The following PHF20 variants were observed in gnomAD, a reference collection of about 807,000 sequenced individuals.
The protein encoded by PHF20 is PHD finger protein 20.
A neutral mutation model predicts 113.5 loss-of-function variants in PHF20; 23 were observed. The observed-to-expected ratio is 0.20, with a 90% CI of 0.15 to 0.29. PHF20 has a LOEUF of 0.29. Ranked by LOEUF, PHF20 falls within the 10% of genes least tolerant of loss-of-function variation. The pLI, the probability that PHF20 is intolerant of heterozygous loss-of-function variation, is 1.00. For missense variants in PHF20, 943 were observed against 1,219.6 expected, an observed-to-expected ratio of 0.77 and a Z score of 3.38; for synonymous variants, 434 against 457.3, an observed-to-expected ratio of 0.95 and a Z score of 0.65.
chr20:35,832,718 G>T (rs905396690), intron 2 of PHF20, among the ~76,000 whole-genome samples: 3 of 152,112 alleles, frequency 2.0e-5, no homozygotes, highest in Non-Finnish European at 4.4e-5. Flanking sequence ...CGTAGGGCCT[G>T]TCATCCTCTG....
chr20:35,827,355 T>G (rs992119268), intron 2 of PHF20, among the ~76,000 whole-genome samples: 1 of 152,268 alleles, frequency 6.6e-6, no homozygotes, highest in Non-Finnish European at 1.5e-5. Context: ...GTCTGAATGC[T>G]TAACCTCTGG....
At chr20:35,786,707 C>G (rs1285323272) in intron 1 of PHF20, among the ~76,000 whole-genome samples, 2 of 152,070 alleles carry the variant, frequency 1.3e-5, no homozygotes, top group Non-Finnish European at 2.9e-5. Flanking sequence ...TCTCAAAACT[C>G]ACTCCAGAGC....
At chr20:35,786,481 A>AC (rs2041419246) in intron 1 of PHF20, among the ~76,000 whole-genome samples, 1 of 152,128 alleles carries the variant, frequency 6.6e-6, no homozygotes, top group Non-Finnish European at 1.5e-5. Flanking sequence ...AGGCGGGTGG[A>AC]TCACAAGGCC....
At chr20:35,922,058 A>G (rs2055528054) in intron 13 of PHF20, among the ~76,000 whole-genome samples, 1 of 152,196 alleles carries the variant, frequency 6.6e-6, no homozygotes, top group South Asian at 2.1e-4. Flanking sequence ...GAAGAAACTA[A>G]TTTCGGGGCA....
chr20:35,931,455 C>T lies in PHF20; in HGVS notation c.2300+11C>T, dbSNP rs2055752070. 6.2e-7 allele frequency: 1 copy of T among 1,601,538 alleles called. No individual in the cohort carries two copies. On this transcript the variant is annotated intron_variant, in intron 15 of 17. Coordinates refer to ENST00000374012, the MANE Select transcript of PHF20 (RefSeq NM_016436.5). ...GATGAGCATCTTGCAGTAAGTGTGG[C>T]ACCTGCAGTGCTGGGAGCAGTCTGT...
intron 2 of PHF20, among the ~76,000 whole-genome samples, chr20:35,841,967 GTCATCT>G (rs2042544255): frequency 6.6e-6 from 1 of 152,096 alleles, no homozygotes; most frequent in African/African-American, 2.4e-5. Flanking sequence ...TTCTGTGTAT[GTCATCT>G]TGTTTAATCC....
Position 35,914,978 on chromosome 20 carries a change from A to C in PHF20, c.1825+781A>C, listed in dbSNP as rs1436087589. ...GACTCCGTCTCAAAAAAAAAAAAAA[A>C]ACAGTAAAATATGTTATATATATAC... On this transcript the variant is annotated intron_variant, in intron 12 of 17. Transcript: ENST00000374012. Among the ~76,000 whole-genome samples, 5 of 149,508 alleles carry C rather than the reference A, an allele frequency of 3.3e-5. No individual in the cohort carries two copies. In the East Asian group the frequency reaches 9.7e-4, roughly 29 times the overall value.
chr20:35,934,408 A>G (rs1265135431), intron 15 of PHF20, among the ~76,000 whole-genome samples: 2 of 152,262 alleles, frequency 1.3e-5, no homozygotes, highest in Admixed American at 1.3e-4. Flanking sequence ...GCAGGGATCT[A>G]GGCTAGGTAG....
At chr20:35,816,059 T>C (rs2042067920) in intron 2 of PHF20, among the ~76,000 whole-genome samples, 1 of 151,756 alleles carries the variant, frequency 6.6e-6, no homozygotes, top group Non-Finnish European at 1.5e-5. Context: ...GGGGTTCAAG[T>C]GATTCTCCTG....
rs368074111 is a variant in PHF20 at position 35,881,425 on chromosome 20, C to A, written c.1282+9596C>A. Among the ~76,000 whole-genome samples the A allele has an allele frequency of 3.3e-4, 50 of 151,512 alleles. No individual in the cohort carries two copies. The East Asian group carries it at 9.6e-3, about 29-fold the overall frequency. On this transcript the variant is annotated intron_variant, in intron 9 of 17. Coordinates refer to ENST00000374012, the MANE Select transcript of PHF20 (RefSeq NM_016436.5). ...GCATGGTGGTGTGCGCCTGTAATCC[C>A]AGCTACTTGGGAGGCTGAGGTGGGC... is the stretch of plus-strand genomic sequence containing the variant.
chr20:35,877,546 T>C (rs1600863650), intron 9 of PHF20, among the ~76,000 whole-genome samples: 1 of 151,410 alleles, frequency 6.6e-6, no homozygotes, highest in South Asian at 2.1e-4. Context: ...GCCTCCCAGG[T>C]TCAAGTGATT....
chr20:35,799,519 T>G (rs2146860844), intron 1 of PHF20, among the ~76,000 whole-genome samples: 1 of 151,966 alleles, frequency 6.6e-6, no homozygotes, highest in East Asian at 1.9e-4. Context: ...TAGGCTGGGG[T>G]AAGTCTGCTG....
In PHF20 at chr20:35,899,548, G is replaced by C; in HGVS notation, c.1461G>C (p.Glu487Asp). The C allele has an allele frequency of 1.9e-6, 3 of 1,614,154 alleles. No individual in the cohort carries two copies. Among genetic ancestry groups the C allele is most frequent in the Non-Finnish European group, 2.5e-6 (3 of 1,180,020 alleles). Reference protein sequence around the residue: ...HGMEKSLEPEESPGKRHVQTR... With the variant: ...HGMEKSLEPEDSPGKRHVQTR... The stretch of plus-strand genomic sequence containing the variant: ...TGGAGAAGTCACTGGAGCCAGAAGA[G>C]AGCCCGGGAAAGAGGCATGTCCAAA... Residue 487 changes from glutamate (E) to aspartate (D), a missense_variant, in exon 10 of 18, where the codon GAG becomes GAC. This residue lies in a region of PHF20 where 592 missense variants were observed against 787.2 expected (regional missense o/e 0.75). Coordinates refer to ENST00000374012, the MANE Select transcript of PHF20 (RefSeq NM_016436.5).
At chr20:35,811,171 C>T (rs1245849292) in intron 2 of PHF20, among the ~76,000 whole-genome samples, 1 of 151,900 alleles carries the variant, frequency 6.6e-6, no homozygotes, top group Non-Finnish European at 1.5e-5. Flanking sequence ...CTCAGCCTCC[C>T]GAGTAGCTGG....
chr20:35,833,487 C>A (rs1355387739), intron 2 of PHF20, among the ~76,000 whole-genome samples: 1 of 152,168 alleles, frequency 6.6e-6, no homozygotes. Flanking sequence ...ACATCTACAA[C>A]ATGAATATCA....
At chr20:35,898,888 G>C (rs2055041429) in intron 9 of PHF20, among the ~76,000 whole-genome samples, 1 of 151,954 alleles carries the variant, frequency 6.6e-6, no homozygotes, top group Non-Finnish European at 1.5e-5. Flanking sequence ...TGGGATTACA[G>C]GTGTGAACCA....
At chr20:35,789,231 G>T (rs1420288869) in intron 1 of PHF20, among the ~76,000 whole-genome samples, 2 of 151,974 alleles carry the variant, frequency 1.3e-5, no homozygotes, top group African/African-American at 4.8e-5. Flanking sequence ...GACCACCCTG[G>T]CCAACATGGT....
chr20:35,788,034 T>C (rs1001339900), intron 1 of PHF20, among the ~76,000 whole-genome samples: 1 of 152,182 alleles, frequency 6.6e-6, no homozygotes, highest in Non-Finnish European at 1.5e-5. Flanking sequence ...TGCCTTGGCC[T>C]CCCAAAGTGC....
At chr20:35,936,942 G>C (rs566668347) in intron 15 of PHF20, among the ~76,000 whole-genome samples, 6 of 152,290 alleles carry the variant, frequency 3.9e-5, no homozygotes, top group African/African-American at 1.4e-4. Flanking sequence ...GACACCCTCA[G>C]GAAGTCCTGA....
Sources: allele counts gnomAD v4.1 joint callset (sites outside exome capture counted in the v4.1 genomes callset), GRCh38; gene constraint gnomAD v4.1.1; regional missense constraint gnomAD v4.1.1; transcripts MANE v1.5; gene names NCBI Gene and HGNC (gene_info 2026-07-23, HGNC 2026-07-21).